The following LRRTM4 variants were observed in gnomAD, a reference collection of about 807,000 sequenced individuals.
LRRTM4 encodes leucine-rich repeat transmembrane neuronal protein 4.
LRRTM4 carries 25 observed loss-of-function variants against 47.6 expected under a neutral mutation model. The observed-to-expected ratio is 0.53, with a 90% CI of 0.38 to 0.73. The LOEUF (loss-of-function observed/expected upper bound fraction) is 0.73, where lower values mean the gene tolerates loss of function less well. LRRTM4 is among the 30% of genes least tolerant of loss of function. The probability of loss-of-function intolerance (pLI) is 0.00; values close to 1 mark genes in which losing one functional copy is unlikely to be tolerated. For synonymous variants in LRRTM4, 311 were observed against 269.5 expected (o/e 1.15, Z -1.51); for missense variants, 638 against 713.4 (o/e 0.89, Z 1.20).
Position 76,799,546 on chromosome 2 carries a change from C to G in LRRTM4, c.1552-50630G>C, listed in dbSNP as rs1384359417. Among the ~76,000 whole-genome samples, 6 of 143,318 alleles carry G rather than the reference C, an allele frequency of 4.2e-5. No individual in the cohort carries two copies. In the East Asian group the frequency reaches 1.2e-3, roughly 30 times the overall value. The allele number at this position is 143,318 out of a possible 152,430, so 94.0% of individuals were successfully genotyped here. ...ATTCCCTTTGAAAACTGGCACAAGA[C>G]AGGGATGCCCTCTCTCACCACTCCT... On this transcript the variant is annotated intron_variant, in intron 3 of 3. Transcript: ENST00000409884.
intron 3 of LRRTM4, among the ~76,000 whole-genome samples, chr2:77,130,341 A>G (rs1245728695): frequency 6.6e-6 from 1 of 151,964 alleles, no homozygotes; most frequent in Non-Finnish European, 1.5e-5. Context: ...ATGGTGGAAC[A>G]TTATTAGTTT....
chr2:77,259,560 A>T (rs1675862023), intron 3 of LRRTM4, among the ~76,000 whole-genome samples: 3 of 152,106 alleles, frequency 2.0e-5, no homozygotes, highest in Admixed American at 2.0e-4. Context: ...ATGAATAGAC[A>T]TAAATAGTTA....
chr2:76,825,117 G>A (rs183218888), intron 3 of LRRTM4, among the ~76,000 whole-genome samples: 32 of 151,570 alleles, frequency 2.1e-4, no homozygotes, highest in African/African-American at 7.7e-4. Flanking sequence ...ATAGATAAGG[G>A]GTAAAATATT....
chr2:77,135,475 C>G (rs998058501), intron 3 of LRRTM4, among the ~76,000 whole-genome samples: 6 of 152,164 alleles, frequency 3.9e-5, no homozygotes, highest in Admixed American at 3.9e-4. Context: ...CTAAACTTCC[C>G]AGCAATGTTT....
At chr2:77,405,839 C>T (rs752634112) in intron 3 of LRRTM4, among the ~76,000 whole-genome samples, 1 of 152,116 alleles carries the variant, frequency 6.6e-6, no homozygotes, top group Admixed American at 6.5e-5. Flanking sequence ...TTATACTCTT[C>T]TCATTCAAGT....
chr2:76,769,594 T>C (rs1004509372), intron 3 of LRRTM4, among the ~76,000 whole-genome samples: 1 of 152,082 alleles, frequency 6.6e-6, no homozygotes, highest in Non-Finnish European at 1.5e-5. Flanking sequence ...GTGTGTCCAA[T>C]GTTCTTTATC....
At chr2:77,129,646 A>G (rs1196547618) in intron 3 of LRRTM4, among the ~76,000 whole-genome samples, 1 of 152,232 alleles carries the variant, frequency 6.6e-6, no homozygotes, top group Non-Finnish European at 1.5e-5. Flanking sequence ...AATGATGTAA[A>G]TGAGAAACAG....
intron 3 of LRRTM4, among the ~76,000 whole-genome samples, chr2:77,137,856 C>T (rs189510511): frequency 1.8e-4 from 27 of 152,198 alleles, no homozygotes; most frequent in Non-Finnish European, 3.5e-4. Flanking sequence ...TTTAAACCAA[C>T]AGAGATCAAA....
At chr2:77,010,389 G>C (rs1677825094) in intron 3 of LRRTM4, among the ~76,000 whole-genome samples, 1 of 151,626 alleles carries the variant, frequency 6.6e-6, no homozygotes, top group Non-Finnish European at 1.5e-5. Context: ...TGCAATATTT[G>C]TTTTTCTGTG....
At chr2:77,080,735 A>G (rs943839752) in intron 3 of LRRTM4, among the ~76,000 whole-genome samples, 18 of 152,126 alleles carry the variant, frequency 1.2e-4, no homozygotes, top group African/African-American at 3.1e-4. Context: ...TAAGACTCAC[A>G]CCTTTTATTA....
chr2:76,883,428 C>T (rs188438077), intron 3 of LRRTM4, among the ~76,000 whole-genome samples: 1 of 152,084 alleles, frequency 6.6e-6, no homozygotes, highest in Non-Finnish European at 1.5e-5. Flanking sequence ...AGCACTTTCC[C>T]AGCCCCGAGC....
At chr2:77,200,052 G>A (rs1252760820) in intron 3 of LRRTM4, among the ~76,000 whole-genome samples, 1 of 151,836 alleles carries the variant, frequency 6.6e-6, no homozygotes, top group Non-Finnish European at 1.5e-5. Flanking sequence ...TTAAACATGT[G>A]TTTTAGAACA....
intron 3 of LRRTM4, among the ~76,000 whole-genome samples, chr2:76,858,464 T>G (rs1672220153): frequency 1.3e-5 from 2 of 152,164 alleles, no homozygotes; most frequent in Admixed American, 6.6e-5. Context: ...GGATTCAGAT[T>G]GGAACTATAA....
chr2:77,207,621 T>C, intron 3 of LRRTM4, among the ~76,000 whole-genome samples: 1 of 151,608 alleles, frequency 6.6e-6, no homozygotes. Flanking sequence ...CTCCTTGATG[T>C]CTCGTTATGC....
chr2:77,225,611 T>C (rs1674783495), intron 3 of LRRTM4, among the ~76,000 whole-genome samples: 4 of 152,140 alleles, frequency 2.6e-5, no homozygotes, highest in Admixed American at 2.0e-4. Flanking sequence ...CTAATGTTAA[T>C]TGAGTTAATT....
intron 3 of LRRTM4, among the ~76,000 whole-genome samples, chr2:76,869,577 CT>C (rs11322083): frequency 0.042 from 6,340 of 151,878 alleles, 438 homozygotes; most frequent in African/African-American, 0.14. Context: ...AAAGTCAAAC[CT>C]TTAGGGGGAA....
intron 3 of LRRTM4, among the ~76,000 whole-genome samples, chr2:76,908,428 G>A (rs1380976710): frequency 2.0e-5 from 3 of 151,078 alleles, no homozygotes; most frequent in African/African-American, 7.3e-5. Flanking sequence ...TTTGAAAACT[G>A]GCACAAGACA....
At chr2:77,365,326 C>A (rs573761625) in intron 3 of LRRTM4, among the ~76,000 whole-genome samples, 13 of 152,140 alleles carry the variant, frequency 8.5e-5, no homozygotes, top group African/African-American at 3.1e-4. Context: ...TAATGCTTAA[C>A]TACATCCTTC....
At chr2:77,494,137 T>G (rs1174592282) in intron 3 of LRRTM4, among the ~76,000 whole-genome samples, 3 of 152,260 alleles carry the variant, frequency 2.0e-5, no homozygotes, top group East Asian at 3.9e-4. Context: ...GAGTATTTTC[T>G]TAATATGTTA....
Sources: allele counts gnomAD v4.1 joint callset (sites outside exome capture counted in the v4.1 genomes callset), GRCh38; gene constraint gnomAD v4.1.1; transcripts MANE v1.5; gene names NCBI Gene and HGNC (gene_info 2026-07-23, HGNC 2026-07-21).